MACROD2: variants seen among roughly 807,000 people sequenced by gnomAD.
MACROD2 encodes ADP-ribose glycohydrolase MACROD2.
In MACROD2, 36 loss-of-function variants were observed where a neutral mutation model predicts 70.4. The observed-to-expected ratio is 0.51, with a 90% CI of 0.39 to 0.68. The LOEUF (loss-of-function observed/expected upper bound fraction) is 0.68. Among genes scored for constraint, MACROD2 ranks in the 30% least tolerant of loss-of-function variants. The pLI, the probability that MACROD2 is intolerant of heterozygous loss-of-function variation, is 0.00. For synonymous variants in MACROD2, 172 were observed against 178.8 expected, an observed-to-expected ratio of 0.96 and a Z score of 0.30; for missense variants, 496 against 538.4, an observed-to-expected ratio of 0.92 and a Z score of 0.78.
chr20:14,830,860 C>T (rs1401978514), intron 5 of MACROD2, among the ~76,000 whole-genome samples: 1 of 152,106 alleles, frequency 6.6e-6, no homozygotes, highest in African/African-American at 2.4e-5. Context: ...ACAATACCAG[C>T]CTGTCTGTGC....
At chr20:15,017,180 A>C (rs913750680) in intron 5 of MACROD2, among the ~76,000 whole-genome samples, 5 of 152,188 alleles carry the variant, frequency 3.3e-5, no homozygotes, top group African/African-American at 1.2e-4. Context: ...TACTTCCTAG[A>C]TTCAATGGGG....
intron 8 of MACROD2, among the ~76,000 whole-genome samples, chr20:15,536,932 T>C (rs75747607): frequency 6.6e-6 from 1 of 152,316 alleles, no homozygotes; most frequent in East Asian, 1.9e-4. Flanking sequence ...TACTGCTTGT[T>C]CCTGCAACCT....
chr20:15,226,196 C>CA (rs1307147922), intron 5 of MACROD2, among the ~76,000 whole-genome samples: 4 of 152,234 alleles, frequency 2.6e-5, no homozygotes, highest in Middle Eastern at 3.4e-3. Flanking sequence ...GAGTGACTTG[C>CA]AGAAGGTCAC....
At chr20:14,019,928 T>G (rs550522860) in intron 2 of MACROD2, among the ~76,000 whole-genome samples, 1 of 152,302 alleles carries the variant, frequency 6.6e-6, no homozygotes, top group Non-Finnish European at 1.5e-5. Flanking sequence ...CCTTCTAACC[T>G]GGTGGATGGC....
intron 4 of MACROD2, among the ~76,000 whole-genome samples, chr20:14,629,066 C>T (rs1266309655): frequency 6.6e-6 from 1 of 152,146 alleles, no homozygotes; most frequent in African/African-American, 2.4e-5. Context: ...GCATCACGGC[C>T]GTAGGAAAAT....
intron 8 of MACROD2, among the ~76,000 whole-genome samples, chr20:15,730,782 T>C (rs536849487): frequency 6.6e-6 from 1 of 151,248 alleles, no homozygotes; most frequent in Non-Finnish European, 1.5e-5. Context: ...AATATGTTTT[T>C]CAAGTTGCTT....
chr20:14,407,445 G>T (rs1245158630), intron 3 of MACROD2, among the ~76,000 whole-genome samples: 1 of 151,894 alleles, frequency 6.6e-6, no homozygotes, highest in East Asian at 1.9e-4. Context: ...GAAATGAGCT[G>T]TCTTTGATTA....
rs2064190042 is a variant in MACROD2 at position 15,842,961 on chromosome 20, T to C, written c.646-19784T>C. On this transcript the variant is annotated intron_variant, in intron 8 of 17. Coordinates refer to ENST00000684519, the MANE Select transcript of MACROD2 (RefSeq NM_001351661.2). ...TGACTAGTGATAAACTAAATTTTTA[T>C]GCAGAATTATTTAGTAGAGTAGGCA... 2.0e-5 allele frequency among the ~76,000 whole-genome samples: 3 copies of C among 152,188 alleles called. No individual in the cohort carries two copies. The South Asian group carries it at 6.2e-4, about 31-fold the overall frequency.
At chr20:14,287,509 A>G (rs1357288802) in intron 3 of MACROD2, among the ~76,000 whole-genome samples, 1 of 152,172 alleles carries the variant, frequency 6.6e-6, no homozygotes, top group Non-Finnish European at 1.5e-5. Flanking sequence ...TATTTTGAGC[A>G]TCTGTTGGTT....
chr20:14,152,331 T>C (rs1487818177), intron 3 of MACROD2, among the ~76,000 whole-genome samples: 1 of 152,218 alleles, frequency 6.6e-6, no homozygotes, highest in East Asian at 1.9e-4. Context: ...CTATCATATT[T>C]GACAGTAGTA....
chr20:15,023,799 G>A (rs2075209049), intron 5 of MACROD2, among the ~76,000 whole-genome samples: 1 of 152,120 alleles, frequency 6.6e-6, no homozygotes, highest in Admixed American at 6.6e-5. Flanking sequence ...TGCAATTCAA[G>A]ATGAGATTTG....
intron 8 of MACROD2, among the ~76,000 whole-genome samples, chr20:15,688,313 C>T (rs1372982441): frequency 2.0e-5 from 3 of 152,160 alleles, no homozygotes; most frequent in African/African-American, 7.2e-5. Context: ...TCAAACAGAA[C>T]AGATGAAGTC....
At chr20:14,027,242 G>C (rs2148629011) in intron 2 of MACROD2, among the ~76,000 whole-genome samples, 1 of 152,006 alleles carries the variant, frequency 6.6e-6, no homozygotes, top group South Asian at 2.1e-4. Context: ...TCTTCCGCTT[G>C]ATCGATTCGG....
chr20:15,523,927 G>A (rs1330504687), intron 8 of MACROD2, among the ~76,000 whole-genome samples: 3 of 152,068 alleles, frequency 2.0e-5, no homozygotes, highest in East Asian at 1.9e-4. Context: ...CCAGCCTCGT[G>A]ATCTAGGTGT....
At chr20:15,549,480 G>C (rs544513099) in intron 8 of MACROD2, among the ~76,000 whole-genome samples, 1 of 152,312 alleles carries the variant, frequency 6.6e-6, no homozygotes, top group African/African-American at 2.4e-5. Flanking sequence ...TCCTAGTTTA[G>C]GTTCTCATAT....
At chr20:14,857,782 T>A (rs1189768338) in intron 5 of MACROD2, among the ~76,000 whole-genome samples, 1 of 149,804 alleles carries the variant, frequency 6.7e-6, no homozygotes, top group African/African-American at 2.4e-5. Flanking sequence ...GTGGAGTTAT[T>A]TAGTCAATAG....
chr20:15,388,059 A>G (rs758671798), intron 6 of MACROD2, among the ~76,000 whole-genome samples: 2 of 151,880 alleles, frequency 1.3e-5, no homozygotes, highest in Non-Finnish European at 2.9e-5. Flanking sequence ...GTTTCGCTAA[A>G]CTCCCCCAAC....
intron 8 of MACROD2, among the ~76,000 whole-genome samples, chr20:15,854,137 G>A (rs1191768033): frequency 6.6e-6 from 1 of 152,138 alleles, no homozygotes; most frequent in Admixed American, 6.6e-5. Context: ...TGTTGATTAG[G>A]AAAAGAGATT....
intron 3 of MACROD2, among the ~76,000 whole-genome samples, chr20:14,290,760 CA>C (rs1568540501): frequency 6.6e-6 from 1 of 152,234 alleles, no homozygotes; most frequent in Non-Finnish European, 1.5e-5. Flanking sequence ...CCACCCGCCT[CA>C]GCCTCCCAGA....
Sources: allele counts gnomAD v4.1 joint callset (sites outside exome capture counted in the v4.1 genomes callset), GRCh38; gene constraint gnomAD v4.1.1; transcripts MANE v1.5; gene names NCBI Gene and HGNC (gene_info 2026-07-23, HGNC 2026-07-21).